The following ZFAT variants were observed in gnomAD, a reference collection of about 807,000 sequenced individuals.
ZFAT encodes the protein zinc finger and AT-hook domain containing, also known as zinc finger protein ZFAT.
Under a neutral mutation model 117.7 loss-of-function variants are expected in ZFAT, and 64 were observed. That is an observed-to-expected ratio of 0.54 (90% CI 0.44 to 0.67). The LOEUF is 0.67. Among genes scored for constraint, ZFAT ranks in the 30% least tolerant of loss-of-function variants. ZFAT has a pLI of 0.00. For synonymous variants in ZFAT, 679 were observed against 615.0 expected, an observed-to-expected ratio of 1.10 and a Z score of -1.54; for missense variants, 1,433 against 1,584.5, an observed-to-expected ratio of 0.90 and a Z score of 1.62.
chr8:134,639,554 A>G (rs1563713223), intron 2 of ZFAT, among the ~76,000 whole-genome samples: 1 of 152,224 alleles, frequency 6.6e-6, no homozygotes, highest in Non-Finnish European at 1.5e-5. Flanking sequence ...CCCTAGATTT[A>G]AACAAGGAGA....
chr8:134,557,169 C>T (rs1438591048), intron 11 of ZFAT, among the ~76,000 whole-genome samples: 1 of 151,812 alleles, frequency 6.6e-6, no homozygotes, highest in Non-Finnish European at 1.5e-5. Flanking sequence ...TATGTTGTAA[C>T]AAAGATAAGT....
intron 15 of ZFAT, among the ~76,000 whole-genome samples, chr8:134,508,937 A>ATT (rs1819611077): frequency 1.3e-5 from 2 of 152,188 alleles, no homozygotes; most frequent in Admixed American, 1.3e-4. Context: ...TTTTTAAAGT[A>ATT]TTTGTGTAAG....
intron 15 of ZFAT, among the ~76,000 whole-genome samples, chr8:134,481,748 C>T (rs1586549446): frequency 1.3e-5 from 2 of 152,200 alleles, no homozygotes; most frequent in South Asian, 2.1e-4. Flanking sequence ...TGCCCATAGA[C>T]GCCGCAGAGG....
intron 1 of ZFAT, among the ~76,000 whole-genome samples, chr8:134,658,360 TA>T (rs1831750855): frequency 1.9e-5 from 2 of 105,332 alleles, no homozygotes; most frequent in African/African-American, 7.7e-5. Flanking sequence ...ATTTGCAACT[TA>T]AAAAACTAAA....
the ZFAT span, among the ~76,000 whole-genome samples, chr8:134,788,288 A>G: frequency 1.3e-5 from 2 of 152,134 alleles, no homozygotes; most frequent in Non-Finnish European, 2.9e-5. Flanking sequence ...TCCTCCACGC[A>G]CTGCTTCAGC....
At chr8:134,711,949 G>A (rs1055982045) in intron 1 of ZFAT, among the ~76,000 whole-genome samples, 1 of 152,234 alleles carries the variant, frequency 6.6e-6, no homozygotes, top group Non-Finnish European at 1.5e-5. Context: ...AGATAAAGCT[G>A]GTGAGAGGCA....
chr8:134,541,624 G>A (rs1236601885), intron 11 of ZFAT, among the ~76,000 whole-genome samples: 1 of 152,050 alleles, frequency 6.6e-6, no homozygotes, highest in Non-Finnish European at 1.5e-5. Flanking sequence ...AGGAAAGGAA[G>A]AAAGAAAAAA....
intron 15 of ZFAT, among the ~76,000 whole-genome samples, chr8:134,503,849 T>C (rs574420343): frequency 2.0e-5 from 3 of 152,246 alleles, no homozygotes; most frequent in East Asian, 3.9e-4. Flanking sequence ...CCCAGCTTGC[T>C]GACAGCAGAC....
intron 2 of ZFAT, among the ~76,000 whole-genome samples, chr8:134,646,482 T>A (rs1231298388): frequency 1.3e-5 from 2 of 151,624 alleles, no homozygotes; most frequent in Non-Finnish European, 2.9e-5. Flanking sequence ...ATAAACAACA[T>A]AATTTTACAA....
At chr8:134,743,374 A>G in the ZFAT span, among the ~76,000 whole-genome samples, 1 of 152,272 alleles carries the variant, frequency 6.6e-6, no homozygotes, top group African/African-American at 2.4e-5. Flanking sequence ...CTGTAATACC[A>G]GCTACTCGGG....
chr8:134,638,651 C>T (rs1275157596), intron 2 of ZFAT, among the ~76,000 whole-genome samples: 1 of 150,484 alleles, frequency 6.6e-6, no homozygotes, highest in Non-Finnish European at 1.5e-5. Context: ...ATGGCGTGAA[C>T]TGGGAGGCAG....
chr8:134,544,456 A>T (rs59949148), intron 11 of ZFAT, among the ~76,000 whole-genome samples: 6,943 of 98,186 alleles, frequency 0.071, 382 homozygotes, highest in African/African-American at 0.21. Flanking sequence ...ATTTTTTTTT[A>T]AAAAAATTAA....
intron 11 of ZFAT, among the ~76,000 whole-genome samples, chr8:134,535,853 T>C (rs1821797727): frequency 6.6e-6 from 1 of 151,924 alleles, no homozygotes; most frequent in Admixed American, 6.6e-5. Flanking sequence ...GCAAATAACA[T>C]GAAGATATTA....
chr8:134,503,623 A>C (rs967857343), intron 15 of ZFAT, among the ~76,000 whole-genome samples: 2 of 152,198 alleles, frequency 1.3e-5, no homozygotes, highest in South Asian at 2.1e-4. Flanking sequence ...GGCCCTCCCT[A>C]GTGTGGGTGG....
intron 1 of ZFAT, among the ~76,000 whole-genome samples, chr8:134,677,780 C>A (rs1415169997): frequency 6.6e-6 from 1 of 152,162 alleles, no homozygotes. Flanking sequence ...CCCTGGGATG[C>A]AAGGCTAGTT....
rs550383129 is a variant in ZFAT at position 134,539,828 on chromosome 8, G to A, written c.2977-6856C>T. Among the ~76,000 whole-genome samples the A allele has an allele frequency of 3.3e-5, 5 of 152,312 alleles. No homozygotes were observed. The South Asian group carries it at 1.0e-3, about 32-fold the overall frequency. ...CTATGTCAAGCAAGGGTAGAAGAGC[G>A]GAGTGTGGGAGCATGAATGAACCAG... On this transcript the variant is annotated intron_variant, in intron 11 of 15. Transcript: ENST00000377838.
chr8:134,779,801 T>C, the ZFAT span, among the ~76,000 whole-genome samples: 1 of 152,302 alleles, frequency 6.6e-6, no homozygotes, highest in South Asian at 2.1e-4. Flanking sequence ...ATAAAACCTG[T>C]CATCTACATC....
chr8:134,778,659 C>T, the ZFAT span, among the ~76,000 whole-genome samples: 1 of 152,226 alleles, frequency 6.6e-6, no homozygotes, highest in South Asian at 2.1e-4. Flanking sequence ...GTAGCAAAGT[C>T]TATGATAGAG....
At chr8:134,779,457 C>T in the ZFAT span, among the ~76,000 whole-genome samples, 2 of 152,120 alleles carry the variant, frequency 1.3e-5, no homozygotes, top group Admixed American at 6.5e-5. Flanking sequence ...CCCTGGTAAA[C>T]AGCAAAGAAT....
Sources: gnomAD v4.1 joint callset for allele counts (sites outside exome capture counted in the v4.1 genomes callset) on GRCh38, gnomAD v4.1.1 for gene constraint, MANE v1.5 for transcripts, NCBI Gene and HGNC (gene_info 2026-07-23, HGNC 2026-07-21) for gene names.